RP1: variants seen among roughly 807,000 people sequenced by gnomAD.
RP1 encodes the protein RP1 axonemal microtubule associated, also known as oxygen-regulated protein 1.
A neutral mutation model predicts 14.8 loss-of-function variants in RP1; 16 were observed. The ratio of observed to expected loss-of-function variants is 1.08; its 90% CI spans 0.73 to 1.65. The LOEUF (loss-of-function observed/expected upper bound fraction) is 1.65. RP1 is among the 40% of genes most tolerant of loss of function. RP1 has a pLI of 0.00. For synonymous variants in RP1, 876 were observed against 883.6 expected, an observed-to-expected ratio of 0.99 and a Z score of 0.15; for missense variants, 2,631 against 2,535.0, an observed-to-expected ratio of 1.04 and a Z score of -0.81.
rs955473482 is a variant in RP1, at chr8:54,629,441, G to A, written c.5559G>A (p.Glu1853=). ...AKERIANHHT[E]EKGSHQSERV... is the part of the protein sequence containing the mutation. Reference sequence around the variant, plus strand: ...AAAGAATAGCAAATCATCATACAGAGGAGAAGGGTAGTCATCAGTCAGAAA... The same window carrying A: ...AAAGAATAGCAAATCATCATACAGAAGAGAAGGGTAGTCATCAGTCAGAAA... The change falls in exon 4 of 4, where the codon GAG becomes GAA. Residue 1853 remains glutamate, a synonymous_variant. Coordinates refer to ENST00000220676, the MANE Select transcript of RP1 (RefSeq NM_006269.2). The A allele has an allele frequency of 3.7e-6, 6 of 1,614,144 alleles. No individual in the cohort carries two copies. In the Middle Eastern group the frequency reaches 4.9e-4, roughly 133 times the overall value.
intron 24 of RP1, among the ~76,000 whole-genome samples, chr8:54,790,115 CCCAGCCAGTGGCT>C (rs2129384073): frequency 6.6e-6 from 1 of 152,288 alleles, no homozygotes; most frequent in South Asian, 2.1e-4. Context: ...AATTGTGGAG[CCCAGCCAGTGGCT>C]CCATCTTGCC....
chr8:54,570,909 G>C (rs564215292), intron 1 of RP1, among the ~76,000 whole-genome samples: 1 of 152,312 alleles, frequency 6.6e-6, no homozygotes, highest in East Asian at 1.9e-4. Context: ...TGGAAGTGTA[G>C]GTTTCTTTTG....
chr8:54,643,635 A>G (rs548510778), intron 3 of RP1, among the ~76,000 whole-genome samples: 3 of 152,334 alleles, frequency 2.0e-5, no homozygotes, highest in South Asian at 4.1e-4. Context: ...CAAACTGAGT[A>G]ACTTAAAAGA....
chr8:54,828,278 G>T (rs1811433239), intron 24 of RP1, among the ~76,000 whole-genome samples: 1 of 152,202 alleles, frequency 6.6e-6, no homozygotes, highest in Non-Finnish European at 1.5e-5. Flanking sequence ...GCCCCACCAA[G>T]CCTCCTGTTG....
intron 24 of RP1, among the ~76,000 whole-genome samples, chr8:54,812,806 T>TATCTATCTATC (rs774921416): frequency 0.014 from 1,828 of 134,666 alleles, 23 homozygotes; most frequent in African/African-American, 0.027. Context: ...TCTATCTATC[T>TATCTATCTATC]ATCTCTCCGT....
chr8:54,811,073 A>G (rs961898915), intron 24 of RP1, among the ~76,000 whole-genome samples: 1 of 152,198 alleles, frequency 6.6e-6, no homozygotes, highest in Non-Finnish European at 1.5e-5. Flanking sequence ...GCTACCCTGA[A>G]GCATCCTCAT....
chr8:54,815,492 C>A (rs1444511534), intron 24 of RP1, among the ~76,000 whole-genome samples: 1 of 152,152 alleles, frequency 6.6e-6, no homozygotes, highest in East Asian at 1.9e-4. Flanking sequence ...GTACTCCAGA[C>A]AATGTTGCTT....
At chr8:54,837,665 G>T (rs1390680442) in exon 25 of RP1, 2 of 1,227,084 alleles carry the variant, frequency 1.6e-6, no homozygotes, top group Non-Finnish European at 2.0e-6. Flanking sequence ...AAGCACCTTT[G>T]CCAGGTATAT....
At chr8:54,870,188 C>T (rs919125379) in exon 29 of RP1, 41 of 335,710 alleles carry the variant, frequency 1.2e-4, no homozygotes, top group Admixed American at 1.1e-3. Context: ...ACCTCCTCCC[C>T]CTCCTCTTCC....
intron 1 of RP1, among the ~76,000 whole-genome samples, chr8:54,593,347 T>A (rs1222018515): frequency 6.6e-6 from 1 of 152,216 alleles, no homozygotes; most frequent in Admixed American, 6.5e-5. Flanking sequence ...TCATGCTGTA[T>A]TTCTCTCTCC....
intron 25 of RP1, among the ~76,000 whole-genome samples, chr8:54,840,188 A>G (rs545287080): frequency 6.6e-6 from 1 of 152,302 alleles, no homozygotes; most frequent in African/African-American, 2.4e-5. Context: ...CTGATAAGAA[A>G]CAGAAGAACT....
In RP1 at chr8:54,685,437, G is replaced by A. The variant is rs535831288; in HGVS notation, c.1717+5504G>A. Among the ~76,000 whole-genome samples the A allele has an allele frequency of 1.1e-3, 163 of 152,222 alleles. 1 individual carries two copies. Among genetic ancestry groups the A allele is most frequent in the African/African-American group, 1.8e-3 (76 of 41,560 alleles). ...CCCAGGATTCATTCAGGAGCAGGTCGTTCAATTTCCATGTAGTTGTGTGGT... is the reference window on the plus strand; with the variant it reads ...CCCAGGATTCATTCAGGAGCAGGTCATTCAATTTCCATGTAGTTGTGTGGT... On this transcript the variant is annotated intron_variant, in intron 12 of 22. Transcript: ENST00000636932.
chr8:54,769,027 C>T (rs984202241), intron 22 of RP1, among the ~76,000 whole-genome samples: 1 of 151,778 alleles, frequency 6.6e-6, no homozygotes, highest in African/African-American at 2.4e-5. Context: ...TCCTGAGTAG[C>T]TGGGACTACA....
At chr8:54,578,657 G>A (rs1005098470) in intron 1 of RP1, among the ~76,000 whole-genome samples, 1 of 152,194 alleles carries the variant, frequency 6.6e-6, no homozygotes, top group Non-Finnish European at 1.5e-5. Flanking sequence ...CCAGGATCAT[G>A]TAGTACCTTT....
chr8:54,857,108 TA>T, intron 27 of RP1: 1 of 1,206,522 alleles, frequency 8.3e-7, no homozygotes, highest in Non-Finnish European at 1.0e-6. Flanking sequence ...CAGGTCCAGG[TA>T]AGATTTAGTT....
chr8:54,673,589 A>C (rs964203709), intron 7 of RP1, among the ~76,000 whole-genome samples: 3 of 152,068 alleles, frequency 2.0e-5, no homozygotes, highest in Non-Finnish European at 4.4e-5. Flanking sequence ...AAAACACAAA[A>C]ATTATCCTGG....
At chr8:54,622,742 A>T (rs1252503296) in intron 3 of RP1, among the ~76,000 whole-genome samples, 2 of 152,232 alleles carry the variant, frequency 1.3e-5, no homozygotes, top group Non-Finnish European at 2.9e-5. Context: ...TCCTAAAAAA[A>T]TCACAGGTTC....
chr8:54,826,437 T>C (rs1250237422), intron 24 of RP1, among the ~76,000 whole-genome samples: 1 of 152,222 alleles, frequency 6.6e-6, no homozygotes, highest in African/African-American at 2.4e-5. Context: ...AATTGTTAGC[T>C]TTGCCTACTG....
rs774578487 is a variant in RP1 at position 54,794,325 on chromosome 8, T to TA, written c.3615+10620dup. Among the ~76,000 whole-genome samples, 55 of 151,940 alleles carry TA rather than the reference T, an allele frequency of 3.6e-4. 1 individual carries two copies. Among genetic ancestry groups the TA allele is most frequent in the Admixed American group, 2.6e-3 (40 of 15,258 alleles). ...GATTTCACACTATATTCTAAAGCCA[T>TA]AAAAACTAAAATAGTATTTTTATTT... On this transcript the variant is annotated intron_variant, in intron 24 of 28. Coordinates refer to the RP1 transcript ENST00000637698.
Sources: allele counts gnomAD v4.1 joint callset (sites outside exome capture counted in the v4.1 genomes callset), GRCh38; gene constraint gnomAD v4.1.1; transcripts MANE v1.5; gene names NCBI Gene and HGNC (gene_info 2026-07-23, HGNC 2026-07-21).